Variants in CRYBB1 observed in about 807,000 individuals in gnomAD.
CRYBB1 encodes the protein crystallin beta B1, also known as beta-crystallin B1.
CRYBB1 carries 16 observed loss-of-function variants against 29.5 expected under a neutral mutation model. The observed-to-expected ratio is 0.54, with a 90% CI of 0.37 to 0.82. CRYBB1 has a LOEUF of 0.82. Ranked by LOEUF, CRYBB1 falls within the 40% of genes least tolerant of loss-of-function variation. CRYBB1 has a pLI of 0.00. For missense variants in CRYBB1, 300 were observed against 350.5 expected (o/e 0.86, Z 1.15); for synonymous variants, 127 against 136.7 (o/e 0.93, Z 0.49).
intron 2 of CRYBB1, among the ~76,000 whole-genome samples, chr22:26,614,684 T>G (rs1929286924): frequency 1.3e-5 from 2 of 152,284 alleles, no homozygotes; most frequent in East Asian, 3.9e-4. Context: ...CATTGCATAT[T>G]TCAATAAATT....
Position 26,612,106 on chromosome 22 carries a change from C to T in CRYBB1, c.265G>A (p.Asp89Asn), listed in dbSNP as rs755390202. 6.8e-6 allele frequency: 11 copies of T among 1,613,786 alleles called. No individual in the cohort carries two copies. Among genetic ancestry groups the T allele is most frequent in the South Asian group, 4.4e-5 (4 of 91,062 alleles). ...ECSNLADRGF[D>N]RVRSIIVSAG... ...GAGACAATGATGCTGCGCACACGGT[C>T]GAAGCCACGGTCTGCCAGATTTGAG... The change falls in exon 3 of 6, where the codon GAC becomes AAC. Residue 89 changes from aspartate to asparagine, a missense_variant. Asp to Asn is a conservative substitution (Grantham distance 23). Coordinates refer to ENST00000647684, the MANE Select transcript of CRYBB1 (RefSeq NM_001887.4).
At chr22:26,616,818 G>A (rs1011748672) in intron 1 of CRYBB1, among the ~76,000 whole-genome samples, 1 of 152,214 alleles carries the variant, frequency 6.6e-6, no homozygotes, top group Admixed American at 6.5e-5. Flanking sequence ...GAGCAGCAGG[G>A]GGCTGGAGAA....
intron 5 of CRYBB1, among the ~76,000 whole-genome samples, chr22:26,600,593 C>T (rs1215448131): frequency 6.6e-6 from 1 of 152,132 alleles, no homozygotes; most frequent in East Asian, 1.9e-4. Flanking sequence ...GATAATGCAC[C>T]CACCTCCTTG....
chr22:26,612,229 G>A, intron 2 of CRYBB1, 39 bp from the exon 3 acceptor site: 2 of 1,404,006 alleles, frequency 1.4e-6, no homozygotes, highest in Non-Finnish European at 2.0e-6. Flanking sequence ...GCAGAGTGAG[G>A]GGGGAGTCAA....
intron 1 of CRYBB1, among the ~76,000 whole-genome samples, chr22:26,617,611 C>G (rs1324443694): frequency 6.6e-6 from 1 of 151,328 alleles, no homozygotes; most frequent in African/African-American, 2.4e-5. Flanking sequence ...TCCCTCTGTT[C>G]CTCCTCTCTT....
intron 3 of CRYBB1, among the ~76,000 whole-genome samples, chr22:26,610,683 CCA>C (rs1929128595): frequency 6.6e-6 from 1 of 152,124 alleles, no homozygotes; most frequent in Non-Finnish European, 1.5e-5. Flanking sequence ...GGGTACGTGA[CCA>C]TCAGAGTCAC....
intron 4 of CRYBB1, among the ~76,000 whole-genome samples, chr22:26,605,483 G>A (rs1315424214): frequency 6.6e-6 from 1 of 151,930 alleles, no homozygotes; most frequent in Non-Finnish European, 1.5e-5. Flanking sequence ...AGACCATCCT[G>A]GCCAACATGA....
intron 2 of CRYBB1, among the ~76,000 whole-genome samples, chr22:26,613,776 A>G (rs909396578): frequency 2.0e-5 from 3 of 152,216 alleles, no homozygotes; most frequent in African/African-American, 7.2e-5. Context: ...TTCAGGGAAT[A>G]AGAGAGATAA....
At chr22:26,615,175 A>C (rs1292761711) in intron 2 of CRYBB1, among the ~76,000 whole-genome samples, 1 of 152,160 alleles carries the variant, frequency 6.6e-6, no homozygotes, top group Non-Finnish European at 1.5e-5. Flanking sequence ...GGGGTTGCAA[A>C]ATGGCCTACT....
Position 26,601,996 on chromosome 22 carries a change from A to G in CRYBB1, c.458T>C (p.Leu153Pro), listed in dbSNP as rs376724558. The part of the protein sequence containing the change: ...KMDAQEHKIS[L>P]FEGANFKGNT... ...GCCCTTGAAGTTGGCCCCTTCAAAC[A>G]GGGAGATTTTGTGCTCCTGGGCATC... The change falls in exon 5 of 6, where the codon CTG becomes CCG. Residue 153 changes from leucine to proline, a missense_variant. Transcript: ENST00000647684. The G allele has an allele frequency of 6.2e-7, 1 of 1,613,836 alleles. No homozygotes were observed. The highest frequency in any genetic ancestry group is 8.5e-7 in the Non-Finnish European group (1 of 1,179,906).
At chr22:26,605,097 G>A (rs1409770113) in intron 4 of CRYBB1, among the ~76,000 whole-genome samples, 3 of 152,128 alleles carry the variant, frequency 2.0e-5, no homozygotes, top group South Asian at 4.1e-4. Context: ...TGCTCTTCAC[G>A]TGGCTGAGTT....
In CRYBB1 at chr22:26,599,646, G is replaced by T; in HGVS notation, c.603C>A (p.Tyr201Ter). The T allele has an allele frequency of 6.2e-7, 1 of 1,614,166 alleles. No homozygotes were observed. Residue 201 changes from tyrosine to a stop codon, truncating the protein, a stop_gained, in exon 6 of 6, where the codon TAC becomes TAA. Coordinates refer to ENST00000647684, the MANE Select transcript of CRYBB1 (RefSeq NM_001887.4). LOFTEE classifies it high-confidence loss of function. ...GTWVGYQYPGYRGYQYLLEPG... is the reference protein window; with the variant it reads ...GTWVGYQYPG ...GCTCTAGGAGGTACTGGTACCCGCG[G>T]TAGCCAGGATACTGATAGCCAACCC...
chr22:26,612,221 A>G, intron 2 of CRYBB1, 31 bp from the exon 3 acceptor site: 1 of 1,472,570 alleles, frequency 6.8e-7, no homozygotes, highest in Admixed American at 1.7e-5. Context: ...TGCCAAGGGC[A>G]GAGTGAGGGG....
At chr22:26,614,416 A>G (rs1237131324) in intron 2 of CRYBB1, among the ~76,000 whole-genome samples, 2 of 152,222 alleles carry the variant, frequency 1.3e-5, no homozygotes, top group Non-Finnish European at 2.9e-5. Flanking sequence ...CGCTTAGGAA[A>G]AATAGAAAAG....
At chr22:26,617,299 CTCTT>C (rs1454794225) in intron 1 of CRYBB1, among the ~76,000 whole-genome samples, 1 of 152,156 alleles carries the variant, frequency 6.6e-6, no homozygotes, top group Non-Finnish European at 1.5e-5. Flanking sequence ...AAATAATGCT[CTCTT>C]TAACTTTGGA....
chr22:26,612,218 G>A, intron 2 of CRYBB1, 28 bp from the exon 3 acceptor site: 1 of 1,479,756 alleles, frequency 6.8e-7, no homozygotes, highest in Non-Finnish European at 9.5e-7. Flanking sequence ...CCATGCCAAG[G>A]GCAGAGTGAG....
At position 26,607,559 on chromosome 22, in the gene CRYBB1, G is replaced by GGA. The variant is rs1289625602; in HGVS notation, c.432+328_432+329dup. Among the ~76,000 whole-genome samples, 12 of 94,292 alleles carry GGA rather than the reference G, an allele frequency of 1.3e-4. 1 individual carries two copies. In the East Asian group the frequency reaches 3.6e-3, roughly 28 times the overall value. 61.9% of individuals were successfully genotyped at this position (94,292 alleles called of 152,430 possible). A position where few individuals can be genotyped will look rare whatever the true frequency, so the allele number is the denominator to read the frequency against. ...GGGACACAGCAAAACCCCATCTTTG[G>GGA]GAAAAAAAAAAAAAAAAAAAGCTCC... On this transcript the variant is annotated intron_variant, in intron 4 of 5. Transcript: ENST00000647684.
At chr22:26,609,063 C>T (rs903103080) in intron 3 of CRYBB1, among the ~76,000 whole-genome samples, 1 of 152,132 alleles carries the variant, frequency 6.6e-6, no homozygotes, top group African/African-American at 2.4e-5. Context: ...AAAGCTGAGA[C>T]TAAGGAACTC....
At position 26,599,567 on chromosome 22, in the gene CRYBB1, A is replaced by T. The variant is rs1569203177; in HGVS notation, c.682T>A (p.Ser228Thr). Residue 228 changes from serine to threonine, a missense_variant, in exon 6 of 6, where the codon TCC (serine) becomes ACC (threonine). Ser to Thr is a moderately conservative substitution (Grantham distance 58, BLOSUM62 1). Coordinates refer to ENST00000647684, the MANE Select transcript of CRYBB1 (RefSeq NM_001887.4). ...EWGAFQPQMQ[S>T]LRRLRDKQWH... ...TGCTTGTCACGCAGGCGACGCAGGG[A>T]CTGCATCTGTGGCTGGAAGGCTCCC... 1 of 1,614,090 alleles carries T rather than the reference A, an allele frequency of 6.2e-7. No homozygotes were observed.
Sources: allele counts gnomAD v4.1 joint callset (sites outside exome capture counted in the v4.1 genomes callset), GRCh38; gene constraint gnomAD v4.1.1; transcripts MANE v1.5; gene names NCBI Gene and HGNC (gene_info 2026-07-23, HGNC 2026-07-21).